DYNLT2B: variants seen among roughly 807,000 people sequenced by gnomAD.
DYNLT2B encodes the protein dynein light chain Tctex-type protein 2B.
A neutral mutation model predicts 19.5 loss-of-function variants in DYNLT2B; 14 were observed. That is an observed-to-expected ratio of 0.72 (90% CI 0.47 to 1.12). DYNLT2B has a LOEUF of 1.12. Ranked by LOEUF, DYNLT2B falls within the 50% of genes most tolerant of loss-of-function variation. The pLI, the probability that DYNLT2B is intolerant of heterozygous loss-of-function variation, is 0.00. For missense variants in DYNLT2B, 133 were observed against 174.7 expected, an observed-to-expected ratio of 0.76 and a Z score of 1.35; for synonymous variants, 70 against 59.7, an observed-to-expected ratio of 1.17 and a Z score of -0.79.
In DYNLT2B at chr3:196,316,187, T is replaced by C; in HGVS notation, c.158A>G (p.Lys53Arg). The change falls in exon 2 of 5, where the codon AAG becomes AGG. Residue 53 changes from lysine (K) to arginine (R), a missense_variant. Transcript: ENST00000325318. ...VVKDCIHAVL[K>R]EELANAEYSP... is the part of the protein sequence containing the mutation. ...ATATTCAGCATTTGCCAGTTCCTCC[T>C]TGAGCACAGCATGGATACAGTCTTT... 1.2e-6 allele frequency: 2 copies of C among 1,614,004 alleles called. No individual in the cohort carries two copies. Among genetic ancestry groups the C allele is most frequent in the Non-Finnish European group, 1.7e-6 (2 of 1,179,934 alleles).
chr3:196,313,875 A>G lies in DYNLT2B; in HGVS notation c.247+2223T>C, dbSNP rs542022586. ...CACTTTGGGAGGCCGAGGCGGACGGATCACCTGAGGTCAGGAGTTCGAGAT... is the reference window on the plus strand; with the variant it reads ...CACTTTGGGAGGCCGAGGCGGACGGGTCACCTGAGGTCAGGAGTTCGAGAT... On this transcript the variant is annotated intron_variant, in intron 2 of 4. Transcript: ENST00000325318. 3.9e-5 allele frequency among the ~76,000 whole-genome samples: 6 copies of G among 152,268 alleles called. No homozygotes were observed. The South Asian group carries it at 1.2e-3, about 32-fold the overall frequency.
At chr3:196,312,201 A>G (rs945992136) in intron 2 of DYNLT2B, among the ~76,000 whole-genome samples, 1 of 152,014 alleles carries the variant, frequency 6.6e-6, no homozygotes, top group Non-Finnish European at 1.5e-5. Flanking sequence ...TATTTTTACT[A>G]GAGACGGGGT....
intron 2 of DYNLT2B, among the ~76,000 whole-genome samples, chr3:196,311,379 C>A (rs1329176822): frequency 2.1e-5 from 3 of 145,648 alleles, no homozygotes. Flanking sequence ...CCAGCCTGGC[C>A]AACAGAGTGA....
At chr3:196,310,822 G>A (rs1467572285) in intron 2 of DYNLT2B, among the ~76,000 whole-genome samples, 2 of 151,852 alleles carry the variant, frequency 1.3e-5, no homozygotes, top group Admixed American at 6.6e-5. Context: ...TGCAACCTCC[G>A]CCTTCTGGGT....
chr3:196,318,124 GAGA>G lies in DYNLT2B; in HGVS notation c.26_28del (p.Phe9del). The G allele has an allele frequency of 3.2e-6, 5 of 1,554,856 alleles. No individual in the cohort carries two copies. The highest frequency in any genetic ancestry group is 2.6e-5 in the East Asian group (1 of 38,468). On this transcript the variant is annotated inframe_deletion, in exon 1 of 5. Transcript: ENST00000325318. ...AGCCTCAGGCACCCCGTCGCCCACCGAGAAGGACACTCCGATGGACGTGGCCAT... is the reference window on the plus strand; with the variant it reads ...AGCCTCAGGCACCCCGTCGCCCACCGAGGACACTCCGATGGACGTGGCCAT...
chr3:196,312,741 G>C (rs999962800), intron 2 of DYNLT2B, among the ~76,000 whole-genome samples: 1 of 152,214 alleles, frequency 6.6e-6, no homozygotes, highest in Non-Finnish European at 1.5e-5. Flanking sequence ...TTGCAGGCGT[G>C]AGCCACCGCG....
chr3:196,293,999 T>A (rs1229565632), intron 4 of DYNLT2B, among the ~76,000 whole-genome samples: 1 of 151,912 alleles, frequency 6.6e-6, no homozygotes, highest in East Asian at 1.9e-4. Context: ...TAAATTAAGA[T>A]TTACATAGTA....
chr3:196,296,053 A>C lies in DYNLT2B; in HGVS notation c.334T>G (p.Phe112Val). The change falls in exon 4 of 5, where the codon TTC (phenylalanine) becomes GTC (valine). Residue 112 changes from phenylalanine to valine, a missense_variant. Phe to Val is a conservative substitution (Grantham distance 50). Transcript: ENST00000325318. ...GEGVFMASRC[F>V]WDADTDNYTH... is the part of the protein sequence containing the mutation. ...TAGTTGTCAGTGTCAGCATCCCAGA[A>C]ACAGCGAGAAGCCATGCTAAAAAAT... The C allele has an allele frequency of 6.2e-7, 1 of 1,614,026 alleles. No individual in the cohort carries two copies. Among genetic ancestry groups the C allele is most frequent in the Non-Finnish European group, 8.5e-7 (1 of 1,179,926 alleles).
rs1221244546 is a variant in DYNLT2B, at chr3:196,306,983, C to T, written c.277G>A (p.Val93Met). 7.4e-6 allele frequency: 12 copies of T among 1,613,942 alleles called. No individual in the cohort carries two copies. The South Asian group carries it at 9.9e-5, about 13-fold the overall frequency. The part of the protein sequence containing the change: ...EMGFDRYKMV[V>M]QVVIGEQRGE... ...CTTTGTTCTCCAATCACTACTTGCA[C>T]CACCATTTTGTATCGGTCAAATCCC... Residue 93 changes from valine (V) to methionine (M), a missense_variant, in exon 3 of 5, where the codon GTG (valine) becomes ATG (methionine). Physicochemically the swap from Val to Met is conservative, Grantham distance 21 (BLOSUM62 1). Transcript: ENST00000325318.
At chr3:196,315,037 G>A (rs1408963701) in intron 2 of DYNLT2B, among the ~76,000 whole-genome samples, 3 of 151,914 alleles carry the variant, frequency 2.0e-5, no homozygotes, top group Non-Finnish European at 1.5e-5. Context: ...AGAAATACAG[G>A]GGAAAGGAGT....
At chr3:196,295,959 G>A in intron 4 of DYNLT2B, 47 bp downstream of exon 4, 1 of 1,494,878 alleles carries the variant, frequency 6.7e-7, no homozygotes, top group Non-Finnish European at 9.3e-7. Flanking sequence ...TTGATTTGCG[G>A]TGCCCACGTT....
chr3:196,301,375 T>G (rs1358705524), intron 3 of DYNLT2B, among the ~76,000 whole-genome samples: 2 of 152,026 alleles, frequency 1.3e-5, no homozygotes, highest in African/African-American at 2.4e-5. Flanking sequence ...GGAAACAAAC[T>G]CACACATGAC....
intron 2 of DYNLT2B, among the ~76,000 whole-genome samples, chr3:196,308,081 C>CG (rs1406806354): frequency 3.0e-5 from 2 of 67,750 alleles, no homozygotes; most frequent in Non-Finnish European, 3.0e-5. Context: ...AACTCCATCT[C>CG]GAAAAAAAAA....
At chr3:196,307,138 T>A in intron 2 of DYNLT2B, 126 bp from the exon 3 acceptor site, 1 of 767,536 alleles carries the variant, frequency 1.3e-6, no homozygotes, top group Non-Finnish European at 2.2e-6. Flanking sequence ...GGTGGTAAGC[T>A]TGGGGGTCAG....
At chr3:196,301,570 G>A (rs1368590577) in intron 3 of DYNLT2B, among the ~76,000 whole-genome samples, 10 of 152,058 alleles carry the variant, frequency 6.6e-5, no homozygotes, top group South Asian at 2.1e-4. Context: ...AAAACTAGGC[G>A]GGTGTGGTGG....
intron 4 of DYNLT2B, among the ~76,000 whole-genome samples, chr3:196,293,101 G>A (rs541802983): frequency 3.3e-5 from 5 of 152,182 alleles, no homozygotes; most frequent in Admixed American, 6.5e-5. Flanking sequence ...TGATCCACCC[G>A]CCTCGGCCTC....
Position 196,316,890 on chromosome 3 carries a change from AGT to A in DYNLT2B, c.114-661_114-660del, listed in dbSNP as rs377469506. 5.3e-4 allele frequency among the ~76,000 whole-genome samples: 39 copies of A among 74,188 alleles called. 2 individuals carry two copies. The highest frequency in any genetic ancestry group is 1.3e-3 in the African/African-American group (25 of 18,886). 48.7% of individuals were successfully genotyped at this position (74,188 alleles called of 152,430 possible). A position where few individuals can be genotyped will look rare whatever the true frequency, so the allele number is the denominator to read the frequency against. ...GGCCCGTGAGCCTGACATTTTTTTC[AGT>A]GTGTGTGTGTGTGTGTTGTGTGGTG... On this transcript the variant is annotated intron_variant, in intron 1 of 4. Coordinates refer to ENST00000325318, the MANE Select transcript of DYNLT2B (RefSeq NM_152773.5).
At chr3:196,317,045 TTGTGTGGTGTG>T (rs1164005263) in intron 1 of DYNLT2B, among the ~76,000 whole-genome samples, 62 of 80,720 alleles carry the variant, frequency 7.7e-4, no homozygotes, top group Non-Finnish European at 1.1e-3. Flanking sequence ...TGTGTGTGTG[TTGTGTGGTGTG>T]TGTGTGGTGT....
intron 3 of DYNLT2B, among the ~76,000 whole-genome samples, chr3:196,305,414 T>C (rs1461065343): frequency 6.6e-6 from 1 of 152,114 alleles, no homozygotes; most frequent in Non-Finnish European, 1.5e-5. Context: ...AACAATACCA[T>C]AGGTATATAA....
Sources: gnomAD v4.1 joint callset for allele counts (sites outside exome capture counted in the v4.1 genomes callset) on GRCh38, gnomAD v4.1.1 for gene constraint, MANE v1.5 for transcripts, NCBI Gene and HGNC (gene_info 2026-07-23, HGNC 2026-07-21) for gene names.